The following FRMD5 variants were observed in gnomAD, a reference collection of about 807,000 sequenced individuals.
The protein encoded by FRMD5 is FERM domain-containing protein 5.
Under a neutral mutation model 69.0 loss-of-function variants are expected in FRMD5, and 20 were observed. That is an observed-to-expected ratio of 0.29 (90% confidence interval 0.20 to 0.42). The LOEUF (loss-of-function observed/expected upper bound fraction) is 0.42, where lower values mean the gene tolerates loss of function less well. Ranked by LOEUF, FRMD5 falls within the 10% of genes least tolerant of loss-of-function variation. The pLI is 1.00. For missense variants in FRMD5, 595 were observed against 708.6 expected (o/e 0.84, Z 1.82); for synonymous variants, 271 against 260.1 (o/e 1.04, Z -0.40).
intron 1 of FRMD5, among the ~76,000 whole-genome samples, chr15:43,967,202 C>CAT (rs924215194): frequency 5.3e-4 from 79 of 148,940 alleles, no homozygotes; most frequent in African/African-American, 1.5e-3. Context: ...CATATATAAT[C>CAT]ATATATATAT....
At chr15:43,894,777 C>T (rs959909015) in intron 7 of FRMD5, among the ~76,000 whole-genome samples, 4 of 152,166 alleles carry the variant, frequency 2.6e-5, no homozygotes, top group African/African-American at 9.7e-5. Context: ...CACAGTGGTG[C>T]GGGCTCTTGG....
At chr15:44,048,405 G>T (rs950437741) in intron 1 of FRMD5, among the ~76,000 whole-genome samples, 2 of 151,694 alleles carry the variant, frequency 1.3e-5, no homozygotes, top group African/African-American at 4.8e-5. Context: ...TTTGTTATTG[G>T]GCTATCTTTT....
chr15:44,176,635 G>A (rs576413386), intron 1 of FRMD5, among the ~76,000 whole-genome samples: 1 of 152,070 alleles, frequency 6.6e-6, no homozygotes, highest in Non-Finnish European at 1.5e-5. Flanking sequence ...TCATCTATCT[G>A]ATAAAGGACT....
At chr15:44,133,224 TCAAAA>T (rs1418043319) in intron 1 of FRMD5, among the ~76,000 whole-genome samples, 2 of 129,294 alleles carry the variant, frequency 1.5e-5, no homozygotes, top group South Asian at 4.9e-4. Flanking sequence ...AAAAAAAAAA[TCAAAA>T]CAAAACAAAA....
rs762881354 is a variant in FRMD5, at chr15:43,888,293, CTGAG to C, written c.793-31_793-28del. Reference sequence around the variant, plus strand: ...TGCAAAAAATTCCACATTGATATGGCTGAGTGTGGATGGAGAAGCAAAGGGTGAA... The same window carrying C: ...TGCAAAAAATTCCACATTGATATGGCTGTGGATGGAGAAGCAAAGGGTGAA... On this transcript the variant is annotated intron_variant, in intron 9 of 13. Coordinates refer to ENST00000417257, the MANE Select transcript of FRMD5 (RefSeq NM_032892.5). The C allele has an allele frequency of 2.7e-6, 4 of 1,503,458 alleles. No homozygotes were observed. In the Admixed American group the frequency reaches 6.7e-5, roughly 25 times the overall value. The allele number at this position is 1,503,458 out of a possible 1,614,324, so 93.1% of individuals were successfully genotyped here. A position where few individuals can be genotyped will look rare whatever the true frequency, so the allele number is the denominator to read the frequency against.
At chr15:43,961,692 A>C (rs2090204286) in intron 1 of FRMD5, among the ~76,000 whole-genome samples, 1 of 152,230 alleles carries the variant, frequency 6.6e-6, no homozygotes, top group Admixed American at 6.5e-5. Context: ...ATCACATCAA[A>C]AAGCTTATCC....
At chr15:44,066,748 T>C (rs1277744770) in intron 1 of FRMD5, among the ~76,000 whole-genome samples, 1 of 151,816 alleles carries the variant, frequency 6.6e-6, no homozygotes, top group Non-Finnish European at 1.5e-5. Context: ...GTAAGAAGAG[T>C]CCAAGGGGAG....
At chr15:43,939,656 C>G (rs2089828391) in intron 1 of FRMD5, among the ~76,000 whole-genome samples, 1 of 152,130 alleles carries the variant, frequency 6.6e-6, no homozygotes, top group Non-Finnish European at 1.5e-5. Context: ...CTCCTGAGCT[C>G]AATTGATCCT....
At chr15:43,887,444 G>A (rs1286600889) in intron 10 of FRMD5, among the ~76,000 whole-genome samples, 1 of 152,228 alleles carries the variant, frequency 6.6e-6, no homozygotes, top group African/African-American at 2.4e-5. Flanking sequence ...GGAGGGAAGT[G>A]TGACCATGCC....
intron 1 of FRMD5, among the ~76,000 whole-genome samples, chr15:44,098,797 TA>T (rs1021970787): frequency 2.5e-4 from 38 of 152,124 alleles, no homozygotes; most frequent in African/African-American, 8.9e-4. Flanking sequence ...TTAGAATAAT[TA>T]GACAAAGTCA....
chr15:44,121,222 A>G (rs2076944946), intron 1 of FRMD5, among the ~76,000 whole-genome samples: 1 of 137,660 alleles, frequency 7.3e-6, no homozygotes, highest in South Asian at 2.6e-4. Context: ...CTCAATTAGT[A>G]TAAGGGCTGA....
intron 1 of FRMD5, among the ~76,000 whole-genome samples, chr15:43,988,281 G>C (rs1467088699): frequency 1.3e-5 from 2 of 151,754 alleles, no homozygotes; most frequent in Non-Finnish European, 2.9e-5. Flanking sequence ...TACAGAGCAA[G>C]GTCTCCAGAA....
upstream of FRMD5, among the ~76,000 whole-genome samples, chr15:44,196,582 T>C (rs1013884760): frequency 6.6e-6 from 1 of 152,168 alleles, no homozygotes; most frequent in Non-Finnish European, 1.5e-5. Context: ...TTCTTGTTTA[T>C]AGGTATAATG....
intron 1 of FRMD5, among the ~76,000 whole-genome samples, chr15:44,071,001 T>G (rs1373242548): frequency 2.0e-5 from 3 of 152,180 alleles, no homozygotes; most frequent in Non-Finnish European, 2.9e-5. Context: ...CCTGGCATAT[T>G]TGGAAACTAG....
rs181482250 is a variant in FRMD5 at position 44,090,533 on chromosome 15, G to C, written c.102+104420C>G. 3.6e-3 allele frequency among the ~76,000 whole-genome samples: 549 copies of C among 151,280 alleles called. 3 individuals carry two copies. The highest frequency in any genetic ancestry group is 4.3e-3 in the Non-Finnish European group (295 of 67,896). On this transcript the variant is annotated intron_variant, in intron 1 of 13. Transcript: ENST00000417257. ...CGGCTCACTACAACCTCTACCTTCT[G>C]GATTCCAGTAATTCTCCCACCTCAG...
intron 1 of FRMD5, among the ~76,000 whole-genome samples, chr15:44,035,000 T>C (rs1428994630): frequency 6.6e-6 from 1 of 152,220 alleles, no homozygotes; most frequent in Non-Finnish European, 1.5e-5. Flanking sequence ...CCATTTCCAC[T>C]GGCCTATCAG....
chr15:44,027,050 G>C (rs1045793590), intron 1 of FRMD5, among the ~76,000 whole-genome samples: 3 of 152,166 alleles, frequency 2.0e-5, no homozygotes, highest in African/African-American at 7.2e-5. Flanking sequence ...TATATCGCTT[G>C]CATCCACACA....
chr15:44,003,558 A>C (rs1221002923), intron 1 of FRMD5, among the ~76,000 whole-genome samples: 6 of 152,244 alleles, frequency 3.9e-5, no homozygotes, highest in Non-Finnish European at 8.8e-5. Context: ...TACTCCAAAC[A>C]CAATAGCCTC....
chr15:44,085,597 G>C (rs1894164835), intron 1 of FRMD5, among the ~76,000 whole-genome samples: 1 of 152,106 alleles, frequency 6.6e-6, no homozygotes, highest in East Asian at 1.9e-4. Context: ...AAGCCAAAGA[G>C]GGGTATCTCA....
Sources: allele counts gnomAD v4.1 joint callset (sites outside exome capture counted in the v4.1 genomes callset), GRCh38; gene constraint gnomAD v4.1.1; transcripts MANE v1.5; gene names NCBI Gene and HGNC (gene_info 2026-07-23, HGNC 2026-07-21).